Variants in PRKAR2B observed in about 807,000 individuals in gnomAD.
PRKAR2B encodes the protein protein kinase cAMP-dependent type II regulatory subunit beta, also known as cAMP-dependent protein kinase type II-beta regulatory subunit.
PRKAR2B carries 14 observed loss-of-function variants against 49.9 expected under a neutral mutation model. The ratio of observed to expected loss-of-function variants is 0.28; its 90% confidence interval spans 0.19 to 0.44. The LOEUF is 0.44. Ranked by LOEUF, PRKAR2B falls within the 20% of genes least tolerant of loss-of-function variation. The pLI is 1.00. For synonymous variants in PRKAR2B, 196 were observed against 197.7 expected (o/e 0.99, Z 0.07); for missense variants, 393 against 537.9 (o/e 0.73, Z 2.67).
chr7:107,140,071 A>G (rs886934622), intron 4 of PRKAR2B, among the ~76,000 whole-genome samples: 2 of 152,150 alleles, frequency 1.3e-5, no homozygotes, highest in Admixed American at 6.5e-5. Flanking sequence ...TGTCTTTTCA[A>G]AGTTCTTTGA....
At chr7:107,139,758 T>C (rs901740776) in intron 4 of PRKAR2B, among the ~76,000 whole-genome samples, 1 of 152,242 alleles carries the variant, frequency 6.6e-6, no homozygotes. Context: ...TGTAACATTT[T>C]CATGCGGTCT....
At chr7:107,152,022 T>C (rs1323277688) in intron 7 of PRKAR2B, among the ~76,000 whole-genome samples, 1 of 152,218 alleles carries the variant, frequency 6.6e-6, no homozygotes, top group Non-Finnish European at 1.5e-5. Context: ...AGATGTCTAA[T>C]AGACATCTCA....
At chr7:107,118,302 G>A (rs2115575394) in intron 2 of PRKAR2B, among the ~76,000 whole-genome samples, 1 of 145,722 alleles carries the variant, frequency 6.9e-6, no homozygotes, top group Middle Eastern at 3.4e-3. Context: ...TTTTAACATT[G>A]AGCAAGTTTT....
At chr7:107,084,935 T>C (rs1056270040) in intron 2 of PRKAR2B, among the ~76,000 whole-genome samples, 3 of 152,088 alleles carry the variant, frequency 2.0e-5, no homozygotes, top group African/African-American at 7.2e-5. Flanking sequence ...TATATACTTT[T>C]GAAGTATCTG....
In PRKAR2B at chr7:107,044,944, C is replaced by T; in HGVS notation, c.37C>T (p.Leu13=). ...GATCCCGGCGGGACTGACGGAGCTG[C>T]TGCAGGGCTTCACGGTGGAGGTGCT... ...IEIPAGLTEL[L]QGFTVEVLRH... is the part of the protein sequence containing the mutation. The change falls in exon 1 of 11, where the codon CTG becomes TTG. Residue 13 remains leucine (L), a synonymous_variant. Coordinates refer to ENST00000265717, the MANE Select transcript of PRKAR2B (RefSeq NM_002736.3). The T allele has an allele frequency of 6.3e-7, 1 of 1,599,300 alleles. No individual in the cohort carries two copies. The highest frequency in any genetic ancestry group is 8.5e-7 in the Non-Finnish European group (1 of 1,175,210).
chr7:107,154,591 A>G (rs1259073751), intron 8 of PRKAR2B, among the ~76,000 whole-genome samples: 1 of 152,236 alleles, frequency 6.6e-6, no homozygotes, highest in East Asian at 1.9e-4. Context: ...ATAAATATAC[A>G]TATACACCCT....
At chr7:107,105,869 A>C (rs1201087318) in intron 2 of PRKAR2B, among the ~76,000 whole-genome samples, 2 of 152,148 alleles carry the variant, frequency 1.3e-5, no homozygotes, top group African/African-American at 4.8e-5. Flanking sequence ...TGCTTAAGGC[A>C]GTTGTGAACG....
At position 107,124,302 on chromosome 7, in the gene PRKAR2B, T is replaced by G. The variant is rs117299943; in HGVS notation, c.396+2298T>G. 1.1e-4 allele frequency among the ~76,000 whole-genome samples: 16 copies of G among 152,326 alleles called. No individual in the cohort carries two copies. In the East Asian group the frequency reaches 1.9e-3, roughly 18 times the overall value. On this transcript the variant is annotated intron_variant, in intron 3 of 10. Coordinates refer to ENST00000265717, the MANE Select transcript of PRKAR2B (RefSeq NM_002736.3). Reference sequence around the variant, plus strand: ...AAGGGTAGAGTATTTCTTATGTTTCTCCACAAAAATTTTTTGGAGTTCCAC... The same window carrying G: ...AAGGGTAGAGTATTTCTTATGTTTCGCCACAAAAATTTTTTGGAGTTCCAC...
At chr7:107,067,345 G>A (rs1193193666) in intron 1 of PRKAR2B, 3 of 152,142 alleles carry the variant, frequency 2.0e-5, no homozygotes, top group African/African-American at 7.2e-5. Flanking sequence ...TGGAAATGGA[G>A]GGATATGGGC....
chr7:107,130,326 T>C (rs1404934728), intron 4 of PRKAR2B, among the ~76,000 whole-genome samples: 3 of 151,546 alleles, frequency 2.0e-5, no homozygotes, highest in South Asian at 2.1e-4. Context: ...GGTGAAACAC[T>C]GTCTCTACTA....
intron 2 of PRKAR2B, among the ~76,000 whole-genome samples, chr7:107,117,262 C>T (rs1467655687): frequency 2.0e-5 from 3 of 151,974 alleles, no homozygotes; most frequent in African/African-American, 2.4e-5. Context: ...GGCGTTTCCC[C>T]TTCAATAAGC....
intron 1 of PRKAR2B, 142 bp downstream of exon 1, chr7:107,045,356 AC>A (rs1793669226): frequency 4.5e-6 from 3 of 672,788 alleles, no homozygotes; most frequent in African/African-American, 2.0e-5. Flanking sequence ...CATCTCGCCC[AC>A]CCCCTCAGCA....
chr7:107,075,308 G>A (rs1260457991), intron 2 of PRKAR2B, among the ~76,000 whole-genome samples: 1 of 151,534 alleles, frequency 6.6e-6, no homozygotes, highest in Non-Finnish European at 1.5e-5. Context: ...TCACCATGTT[G>A]GCCAGGATGG....
chr7:107,139,973 T>C (rs1795762170), intron 4 of PRKAR2B, among the ~76,000 whole-genome samples: 1 of 152,232 alleles, frequency 6.6e-6, no homozygotes, highest in African/African-American at 2.4e-5. Flanking sequence ...GACCAAGGGC[T>C]CAGAGCTAAT....
intron 5 of PRKAR2B, among the ~76,000 whole-genome samples, chr7:107,143,612 A>G (rs1247285491): frequency 6.6e-6 from 1 of 152,244 alleles, no homozygotes; most frequent in Non-Finnish European, 1.5e-5. Context: ...ACAAGTAAAA[A>G]ATGATGGCTT....
chr7:107,153,910 A>G (rs1429383896), intron 8 of PRKAR2B, among the ~76,000 whole-genome samples: 1 of 152,198 alleles, frequency 6.6e-6, no homozygotes, highest in Non-Finnish European at 1.5e-5. Flanking sequence ...TAGATTCTGT[A>G]ATTTTTGTAT....
chr7:107,154,465 G>A (rs927124480), intron 8 of PRKAR2B, among the ~76,000 whole-genome samples: 3 of 152,082 alleles, frequency 2.0e-5, no homozygotes, highest in Non-Finnish European at 4.4e-5. Context: ...CAGAACACTC[G>A]AAAACTTAAT....
intron 1 of PRKAR2B, among the ~76,000 whole-genome samples, chr7:107,060,342 C>T (rs1332609908): frequency 6.6e-6 from 1 of 152,164 alleles, no homozygotes; most frequent in Non-Finnish European, 1.5e-5. Context: ...CCAGTTTGTA[C>T]TGTCATCAGC....
At chr7:107,149,445 G>T (rs1356685307) in intron 6 of PRKAR2B, among the ~76,000 whole-genome samples, 1 of 152,042 alleles carries the variant, frequency 6.6e-6, no homozygotes, top group Non-Finnish European at 1.5e-5. Context: ...AGAAGATTCG[G>T]TGTCTGGTGA....
Sources: gnomAD v4.1 joint callset for allele counts (sites outside exome capture counted in the v4.1 genomes callset) on GRCh38, gnomAD v4.1.1 for gene constraint, MANE v1.5 for transcripts, NCBI Gene and HGNC (gene_info 2026-07-23, HGNC 2026-07-21) for gene names.